COL28A1: variants seen among roughly 807,000 people sequenced by gnomAD.
COL28A1 encodes collagen alpha-1(XXVIII) chain.
COL28A1 carries 161 observed loss-of-function variants against 150.2 expected under a neutral mutation model. The observed-to-expected ratio is 1.07, with a 90% CI of 0.94 to 1.22. COL28A1 has a LOEUF of 1.22. Ranked by LOEUF, COL28A1 falls within the 50% of genes most tolerant of loss-of-function variation. The pLI, the probability that COL28A1 is intolerant of heterozygous loss-of-function variation, is 0.00. For synonymous variants in COL28A1, 552 were observed against 469.7 expected, an observed-to-expected ratio of 1.18 and a Z score of -2.26; for missense variants, 1,617 against 1,388.3, an observed-to-expected ratio of 1.16 and a Z score of -2.62.
In COL28A1 at chr7:7,456,121, A is replaced by T; in HGVS notation, c.1303-9T>A. ...ACAGGTCCTATATCCCCCTGCACAGAAAATAAGCCAGGAAATATAACAATA... is the reference window on the plus strand; with the variant it reads ...ACAGGTCCTATATCCCCCTGCACAGTAAATAAGCCAGGAAATATAACAATA... On this transcript the variant is annotated splice_polypyrimidine_tract_variant and intron_variant, in intron 15 of 34. Transcript: ENST00000399429. The T allele has an allele frequency of 6.2e-7, 1 of 1,609,604 alleles. No homozygotes were observed. Among genetic ancestry groups the T allele is most frequent in the Non-Finnish European group, 8.5e-7 (1 of 1,177,770 alleles).
chr7:7,371,685 A>G (rs1217394328), intron 32 of COL28A1, among the ~76,000 whole-genome samples: 4 of 152,238 alleles, frequency 2.6e-5, no homozygotes, highest in Non-Finnish European at 5.9e-5. Context: ...ATTTTATTAT[A>G]AAGTCATACT....
intron 27 of COL28A1, among the ~76,000 whole-genome samples, chr7:7,413,958 G>C (rs1474884119): frequency 6.6e-6 from 1 of 152,166 alleles, no homozygotes; most frequent in African/African-American, 2.4e-5. Flanking sequence ...GTTTATATAA[G>C]GACTTCTGGG....
chr7:7,380,751 A>G, intron 29 of COL28A1, 31 bp downstream of exon 29: 1 of 1,612,812 alleles, frequency 6.2e-7, no homozygotes, highest in Non-Finnish European at 8.5e-7. Flanking sequence ...TTAGAGTATA[A>G]AATCACAGTG....
chr7:7,440,253 T>G (rs1289284774), intron 21 of COL28A1, among the ~76,000 whole-genome samples: 2 of 152,236 alleles, frequency 1.3e-5, no homozygotes, highest in East Asian at 1.9e-4. Flanking sequence ...ATTCAACACT[T>G]ACTATATACC....
chr7:7,416,768 A>G (rs1784101236), intron 27 of COL28A1, among the ~76,000 whole-genome samples: 1 of 152,246 alleles, frequency 6.6e-6, no homozygotes, highest in Non-Finnish European at 1.5e-5. Context: ...GATTTAACAC[A>G]CATTCTATGA....
At chr7:7,422,630 A>G (rs1158612771) in intron 25 of COL28A1, among the ~76,000 whole-genome samples, 1 of 151,566 alleles carries the variant, frequency 6.6e-6, no homozygotes, top group African/African-American at 2.4e-5. Context: ...CTCTGTCTCC[A>G]AAAAAGAAAA....
the COL28A1 span, among the ~76,000 whole-genome samples, chr7:7,542,471 T>C: frequency 2.0e-5 from 3 of 152,222 alleles, no homozygotes; most frequent in Non-Finnish European, 2.9e-5. Context: ...ATAATTCTGT[T>C]AACTTTTCTG....
the COL28A1 span, among the ~76,000 whole-genome samples, chr7:7,345,754 T>C: frequency 1.6e-4 from 24 of 152,238 alleles, no homozygotes; most frequent in East Asian, 5.8e-4. Flanking sequence ...GTCATTTTTC[T>C]TTTTGTTGCT....
chr7:7,515,318 T>G (rs10237888), intron 8 of COL28A1, among the ~76,000 whole-genome samples: 5,209 of 152,236 alleles, frequency 0.034, 278 homozygotes, highest in African/African-American at 0.12. Flanking sequence ...ACCTTTTGTT[T>G]GCTTGTTTGC....
At chr7:7,460,979 T>C (rs1787570642) in intron 15 of COL28A1, among the ~76,000 whole-genome samples, 1 of 152,192 alleles carries the variant, frequency 6.6e-6, no homozygotes, top group Admixed American at 6.5e-5. Context: ...ACCTTTGCTC[T>C]AGAACGACTG....
chr7:7,454,727 CCCAAGATGTGA>C (rs1787004420), intron 16 of COL28A1, among the ~76,000 whole-genome samples: 1 of 152,124 alleles, frequency 6.6e-6, no homozygotes, highest in Admixed American at 6.5e-5. Context: ...CACTGCAAGA[CCCAAGATGTGA>C]CAACACTGTC....
At chr7:7,339,771 A>G in the COL28A1 span, among the ~76,000 whole-genome samples, 1 of 152,178 alleles carries the variant, frequency 6.6e-6, no homozygotes, top group African/African-American at 2.4e-5. Context: ...ATAGGTGGTT[A>G]AGAAATAGTA....
chr7:7,444,292 T>G (rs551125954), intron 19 of COL28A1, 126 bp downstream of exon 19: 1 of 1,277,292 alleles, frequency 7.8e-7, no homozygotes, highest in Admixed American at 2.3e-5. Flanking sequence ...CATTTGGGAT[T>G]GTGAGATATT....
intron 27 of COL28A1, among the ~76,000 whole-genome samples, chr7:7,400,212 A>G (rs547854863): frequency 3.3e-5 from 5 of 152,270 alleles, no homozygotes; most frequent in Non-Finnish European, 5.9e-5. Flanking sequence ...GAACCCTATT[A>G]TCCATGGAAA....
At chr7:7,497,496 C>G (rs1263617603) in intron 11 of COL28A1, among the ~76,000 whole-genome samples, 1 of 152,176 alleles carries the variant, frequency 6.6e-6, no homozygotes, top group African/African-American at 2.4e-5. Flanking sequence ...AAATATAGGA[C>G]TGGGTTTGAA....
At position 7,379,103 on chromosome 7, in the gene COL28A1, A is replaced by C. The variant is rs80178703; in HGVS notation, c.2322+1557T>G. 3.9e-3 allele frequency among the ~76,000 whole-genome samples: 587 copies of C among 152,312 alleles called. 3 individuals are homozygous for C. The highest frequency in any genetic ancestry group is 0.014 in the African/African-American group (565 of 41,562). Reference sequence around the variant, plus strand: ...GTGTGGCATAGAGGAACATATGTGCATGCCCTTTGGCCCCAAGGACTTCTA... The same window carrying C: ...GTGTGGCATAGAGGAACATATGTGCCTGCCCTTTGGCCCCAAGGACTTCTA... On this transcript the variant is annotated intron_variant, in intron 30 of 34. Transcript: ENST00000399429.
At chr7:7,392,958 C>T (rs1384965907) in intron 27 of COL28A1, among the ~76,000 whole-genome samples, 1 of 152,012 alleles carries the variant, frequency 6.6e-6, no homozygotes, top group Non-Finnish European at 1.5e-5. Context: ...TATTACTCAC[C>T]TTCTGAAGCC....
At position 7,419,877 on chromosome 7, in the gene COL28A1, G is replaced by T. The variant is rs774086518; in HGVS notation, c.2067+8C>A. ...ACCCTCACACAAAGCACTGAGCTGA[G>T]GACTCACCTTTGGCCCTTGGGTTCC... On this transcript the variant is annotated splice_region_variant and intron_variant, in intron 26 of 34. Transcript: ENST00000399429. The T allele has an allele frequency of 2.5e-6, 4 of 1,586,252 alleles. No individual in the cohort carries two copies.
chr7:7,397,866 G>A (rs1335350364), intron 27 of COL28A1, among the ~76,000 whole-genome samples: 2 of 152,176 alleles, frequency 1.3e-5, no homozygotes, highest in Admixed American at 6.6e-5. Flanking sequence ...TTCAAAACAA[G>A]TGCCTCCTAC....
Sources: gnomAD v4.1 joint callset for allele counts (sites outside exome capture counted in the v4.1 genomes callset) on GRCh38, gnomAD v4.1.1 for gene constraint, MANE v1.5 for transcripts, NCBI Gene and HGNC (gene_info 2026-07-23, HGNC 2026-07-21) for gene names.